Variants in UBR1 observed in about 807,000 individuals in gnomAD.
The protein encoded by UBR1 is ubiquitin protein ligase E3 component n-recognin 1.
In UBR1, 102 loss-of-function variants were observed where a neutral mutation model predicts 242.1. The ratio of observed to expected loss-of-function variants is 0.42; its 90% CI spans 0.36 to 0.50. UBR1 has a LOEUF of 0.50. Ranked by LOEUF, UBR1 falls within the 20% of genes least tolerant of loss-of-function variation. UBR1 has a pLI of 0.01. For missense variants in UBR1, 1,772 were observed against 2,101.8 expected (o/e 0.84, Z 3.07); for synonymous variants, 675 against 684.8 (o/e 0.99, Z 0.22).
chr15:43,073,142 C>T (rs927057129), intron 4 of UBR1, among the ~76,000 whole-genome samples: 1 of 152,048 alleles, frequency 6.6e-6, no homozygotes, highest in African/African-American at 2.4e-5. Flanking sequence ...GCCTGGGCGA[C>T]TCTGTCTCAA....
At chr15:42,998,054 TG>T (rs1210355440) in intron 33 of UBR1, 113 bp downstream of exon 33, 1 of 942,944 alleles carries the variant, frequency 1.1e-6, no homozygotes, top group Admixed American at 2.7e-5. Context: ...TTCTATTTCC[TG>T]ATATTCAAGA....
chr15:43,078,126 G>C (rs1175722213), intron 3 of UBR1, among the ~76,000 whole-genome samples: 2 of 152,114 alleles, frequency 1.3e-5, no homozygotes. Context: ...CTGAAACACA[G>C]AAAAAAGTCA....
rs1387151017 is a variant in UBR1, at chr15:43,075,098, G to A, written c.418-9C>T. 2 of 1,593,162 alleles carry A rather than the reference G, an allele frequency of 1.3e-6. No homozygotes were observed. Among genetic ancestry groups the A allele is most frequent in the Admixed American group, 1.7e-5 (1 of 59,992 alleles). ...CCAGTAGAAGTATGCATCTGATAAAGGAAAAATGAGTTTGTCTTGATTTCA... is the reference window on the plus strand; with the variant it reads ...CCAGTAGAAGTATGCATCTGATAAAAGAAAAATGAGTTTGTCTTGATTTCA... On this transcript the variant is annotated splice_polypyrimidine_tract_variant and intron_variant, in intron 3 of 46. Transcript: ENST00000290650.
chr15:43,090,987 T>G (rs1320432801), intron 1 of UBR1, among the ~76,000 whole-genome samples: 2 of 152,214 alleles, frequency 1.3e-5, no homozygotes, highest in Non-Finnish European at 2.9e-5. Context: ...TTGCCCAGGC[T>G]GGAGTGCAAT....
At chr15:42,950,577 T>G (rs1385805296) in intron 45 of UBR1, 5 of 562,574 alleles carry the variant, frequency 8.9e-6, no homozygotes, top group Non-Finnish European at 1.3e-5. Context: ...AAAGGAGCAG[T>G]GGATTTGGTG....
At chr15:43,067,777 G>T in intron 6 of UBR1, 121 bp downstream of exon 6, 1 of 1,117,440 alleles carries the variant, frequency 8.9e-7, no homozygotes, top group Non-Finnish European at 1.3e-6. Flanking sequence ...TACCTAGGAT[G>T]TAAGGAATAA....
chr15:43,041,143 C>T (rs1259299267), intron 15 of UBR1, among the ~76,000 whole-genome samples: 6 of 152,144 alleles, frequency 3.9e-5, no homozygotes, highest in South Asian at 4.1e-4. Context: ...CACATGCACA[C>T]GTATGTTTAT....
chr15:43,046,090 G>A (rs946400654), intron 14 of UBR1, among the ~76,000 whole-genome samples: 2 of 152,212 alleles, frequency 1.3e-5, no homozygotes, highest in Non-Finnish European at 2.9e-5. Flanking sequence ...AGCTATAAGT[G>A]AAGATACTAA....
In UBR1 at chr15:42,945,086, G is replaced by A. The variant is rs1273918991; in HGVS notation, c.*243C>T. ...ATGAAATGAGACAAATTATGAAGGG[G>A]AATAAATTCCTGGAAATACTAGCAC... On this transcript the variant is annotated 3_prime_UTR_variant, in exon 47 of 47. Transcript: ENST00000290650. 7.8e-6 allele frequency: 4 copies of A among 513,066 alleles called. No homozygotes were observed. The allele number at this position is 513,066 out of a possible 1,614,324, so 31.8% of individuals were successfully genotyped here.
intron 30 of UBR1, among the ~76,000 whole-genome samples, chr15:43,004,526 A>G (rs1400417096): frequency 6.6e-6 from 1 of 152,176 alleles, no homozygotes; most frequent in Admixed American, 6.5e-5. Context: ...TTGCAGGCAC[A>G]CGCCGCCACG....
chr15:43,027,917 G>A (rs2033198149), intron 21 of UBR1, 89 bp from the exon 22 acceptor site: 1 of 1,016,644 alleles, frequency 9.8e-7, no homozygotes, highest in Non-Finnish European at 1.5e-6. Flanking sequence ...CTGCATCTCT[G>A]AAGTACTTTG....
At chr15:43,048,653 T>C (rs370882774) in intron 12 of UBR1, among the ~76,000 whole-genome samples, 162 bp from the exon 13 acceptor site, 1 of 152,216 alleles carries the variant, frequency 6.6e-6, no homozygotes, top group African/African-American at 2.4e-5. Flanking sequence ...TTCTGCCTTA[T>C]TTTAAATACA....
intron 43 of UBR1, 76 bp downstream of exon 43, chr15:42,960,569 C>T (rs2031997901): frequency 9.0e-6 from 13 of 1,439,646 alleles, no homozygotes; most frequent in Admixed American, 1.7e-5. Flanking sequence ...AGACTAGAAA[C>T]TATGCTCAAC....
chr15:43,043,281 T>C lies in UBR1; in HGVS notation c.1783A>G (p.Thr595Ala). Reference protein sequence around the residue: ...VVQSCGHSLETKSYRVSEDLV... With the variant: ...VVQSCGHSLEAKSYRVSEDLV... ...TCCTCAGATACTCTGTAGGACTTTGTTTCCAAACTATGTCCACACGATTGT... is the reference window on the plus strand; with the variant it reads ...TCCTCAGATACTCTGTAGGACTTTGCTTCCAAACTATGTCCACACGATTGT... The change falls in exon 15 of 47, where the codon ACA becomes GCA. Residue 595 changes from threonine (T) to alanine (A), a missense_variant. Physicochemically the swap from Thr to Ala is moderately conservative, Grantham distance 58. Transcript: ENST00000290650. 1 of 1,614,102 alleles carries C rather than the reference T, an allele frequency of 6.2e-7. No homozygotes were observed. Among genetic ancestry groups the C allele is most frequent in the Non-Finnish European group, 8.5e-7 (1 of 1,180,010 alleles).
intron 33 of UBR1, among the ~76,000 whole-genome samples, chr15:42,994,840 T>C (rs890621126): frequency 1.3e-5 from 2 of 152,202 alleles, no homozygotes; most frequent in African/African-American, 2.4e-5. Context: ...TGATTCCTGA[T>C]TAATCTTCTT....
At position 43,063,594 on chromosome 15, in the gene UBR1, A is replaced by C. The variant is rs566212444; in HGVS notation, c.799-3480T>G. Among the ~76,000 whole-genome samples, 108 of 152,318 alleles carry C rather than the reference A, an allele frequency of 7.1e-4. 3 individuals carry two copies. The South Asian group carries it at 0.022, about 32-fold the overall frequency. On this transcript the variant is annotated intron_variant, in intron 6 of 46. Transcript: ENST00000290650. ...CAAGGTGGGTGAATCACCTGAGCCCAGGAGTTGAAGACAAGTGTGGGCAAC... is the reference window on the plus strand; with the variant it reads ...CAAGGTGGGTGAATCACCTGAGCCCCGGAGTTGAAGACAAGTGTGGGCAAC...
chr15:43,038,930 A>G (rs897457174), intron 15 of UBR1, among the ~76,000 whole-genome samples: 2 of 151,908 alleles, frequency 1.3e-5, no homozygotes, highest in Admixed American at 6.6e-5. Flanking sequence ...TATTTTCATT[A>G]AAAAGGTACT....
chr15:43,066,106 C>T (rs1025451846), intron 6 of UBR1, among the ~76,000 whole-genome samples: 4 of 152,206 alleles, frequency 2.6e-5, no homozygotes, highest in African/African-American at 9.6e-5. Context: ...TGGGGTTTTA[C>T]ATTTAAGTCT....
intron 30 of UBR1, 121 bp from the exon 31 acceptor site, chr15:43,004,051 T>C (rs1235178412): frequency 8.3e-6 from 7 of 841,496 alleles, no homozygotes; most frequent in African/African-American, 5.0e-5. Context: ...GGAGGATATA[T>C]AGTAACAAAA....
Sources: allele counts gnomAD v4.1 joint callset (sites outside exome capture counted in the v4.1 genomes callset), GRCh38; gene constraint gnomAD v4.1.1; transcripts MANE v1.5; gene names NCBI Gene and HGNC (gene_info 2026-07-23, HGNC 2026-07-21).